Variants in PXDNL observed in about 807,000 individuals in gnomAD.
PXDNL encodes peroxidasin like.
Under a neutral mutation model 150.8 loss-of-function variants are expected in PXDNL, and 145 were observed. The ratio of observed to expected loss-of-function variants is 0.96; its 90% CI spans 0.84 to 1.10. PXDNL has a LOEUF of 1.10. PXDNL is among the 50% of genes least tolerant of loss of function. The pLI is 0.00. For synonymous variants in PXDNL, 757 were observed against 725.7 expected, an observed-to-expected ratio of 1.04 and a Z score of -0.69; for missense variants, 2,087 against 1,873.9, an observed-to-expected ratio of 1.11 and a Z score of -2.10.
intron 5 of PXDNL, among the ~76,000 whole-genome samples, chr8:51,497,626 G>A (rs190691038): frequency 0.014 from 2,115 of 152,258 alleles, 51 homozygotes; most frequent in African/African-American, 0.047. Flanking sequence ...TGAAGGACAC[G>A]AACAGACACT....
intron 4 of PXDNL, among the ~76,000 whole-genome samples, chr8:51,519,450 T>C (rs112439275): frequency 6.4e-4 from 97 of 152,084 alleles, no homozygotes; most frequent in African/African-American, 2.3e-3. Flanking sequence ...GGAGAATTGC[T>C]TGAACCTGGG....
chr8:51,445,138 T>C (rs1032973154), intron 12 of PXDNL, among the ~76,000 whole-genome samples: 3 of 152,174 alleles, frequency 2.0e-5, no homozygotes, highest in Non-Finnish European at 4.4e-5. Context: ...CAGGCTGGTC[T>C]CGAACACCTG....
At chr8:51,471,139 CAAAA>C (rs5891416) in intron 8 of PXDNL, among the ~76,000 whole-genome samples, 1 of 113,020 alleles carries the variant, frequency 8.8e-6, no homozygotes, top group Non-Finnish European at 1.8e-5. Context: ...AACAAATTTA[CAAAA>C]AAAAAAAAAA....
chr8:51,778,325 C>T (rs1313626790), intron 1 of PXDNL, among the ~76,000 whole-genome samples: 1 of 151,970 alleles, frequency 6.6e-6, no homozygotes, highest in East Asian at 1.9e-4. Context: ...CCAGTGAGAC[C>T]TTGTATTCCT....
chr8:51,474,904 T>A, intron 7 of PXDNL, 68 bp downstream of exon 7: 1 of 1,325,852 alleles, frequency 7.5e-7, no homozygotes, highest in Non-Finnish European at 1.0e-6. Context: ...TATTATATAA[T>A]AAACCTTTAC....
At chr8:51,721,862 G>T in intron 1 of PXDNL, 1 of 278,152 alleles carries the variant, frequency 3.6e-6, no homozygotes, top group East Asian at 8.7e-5. Flanking sequence ...CCAGCTGGTA[G>T]CATTTCTTTC....
At chr8:51,475,940 T>A (rs949918124) in intron 6 of PXDNL, among the ~76,000 whole-genome samples, 1 of 152,140 alleles carries the variant, frequency 6.6e-6, no homozygotes, top group Non-Finnish European at 1.5e-5. Context: ...GTGTCTACAA[T>A]TTTTTAGTTA....
At chr8:51,546,802 A>G (rs953296084) in intron 4 of PXDNL, among the ~76,000 whole-genome samples, 16 of 152,296 alleles carry the variant, frequency 1.1e-4, no homozygotes, top group African/African-American at 3.8e-4. Flanking sequence ...CTCAGTGCAG[A>G]TGGGCGGGGC....
At chr8:51,414,215 A>G (rs1808732517) in intron 14 of PXDNL, among the ~76,000 whole-genome samples, 1 of 151,832 alleles carries the variant, frequency 6.6e-6, no homozygotes, top group South Asian at 2.1e-4. Context: ...AGATATATAC[A>G]TATTATATGT....
At chr8:51,409,956 C>A (rs1195232338) in intron 16 of PXDNL, among the ~76,000 whole-genome samples, 1 of 152,208 alleles carries the variant, frequency 6.6e-6, no homozygotes, top group Non-Finnish European at 1.5e-5. Flanking sequence ...CAGGTGCCAG[C>A]CAGCTCCTAA....
At chr8:51,686,774 G>A (rs9284000) in intron 1 of PXDNL, among the ~76,000 whole-genome samples, 127,956 of 152,154 alleles carry the variant, frequency 0.84, 54,096 homozygotes, top group African/African-American at 0.93. Context: ...AATGAAACAA[G>A]TGACAAATGA....
chr8:51,522,783 G>T (rs1026798052), intron 4 of PXDNL, among the ~76,000 whole-genome samples: 4 of 152,090 alleles, frequency 2.6e-5, no homozygotes, highest in Admixed American at 6.5e-5. Flanking sequence ...GGCAGAGGTT[G>T]CAGTGAGCCA....
chr8:51,508,615 G>A (rs1563443654), intron 4 of PXDNL, among the ~76,000 whole-genome samples: 1 of 152,124 alleles, frequency 6.6e-6, no homozygotes, highest in Non-Finnish European at 1.5e-5. Context: ...GCTGAGTCCT[G>A]AGGCTTCTCC....
chr8:51,713,760 T>C (rs1222678577), intron 1 of PXDNL, among the ~76,000 whole-genome samples: 1 of 152,232 alleles, frequency 6.6e-6, no homozygotes, highest in Non-Finnish European at 1.5e-5. Flanking sequence ...GAAGAGCTGA[T>C]TAGCAAAATC....
chr8:51,430,612 C>T (rs1472333766), intron 12 of PXDNL, among the ~76,000 whole-genome samples: 2 of 152,164 alleles, frequency 1.3e-5, no homozygotes, highest in Non-Finnish European at 2.9e-5. Context: ...TTTTCTGGAA[C>T]GCACCTTTGT....
chr8:51,386,097 CTT>C (rs372663749), intron 17 of PXDNL, among the ~76,000 whole-genome samples: 4 of 146,328 alleles, frequency 2.7e-5, no homozygotes, highest in African/African-American at 5.0e-5. Flanking sequence ...GTGATTCATT[CTT>C]TTTTTTTTTT....
At chr8:51,563,258 G>A (rs941999000) in intron 3 of PXDNL, among the ~76,000 whole-genome samples, 1 of 152,004 alleles carries the variant, frequency 6.6e-6, no homozygotes, top group Non-Finnish European at 1.5e-5. Flanking sequence ...CAAAGTCCAA[G>A]ATCAAGGTCT....
chr8:51,447,326 A>G (rs1481913635), intron 11 of PXDNL, among the ~76,000 whole-genome samples, 164 bp from the exon 12 acceptor site: 1 of 151,484 alleles, frequency 6.6e-6, no homozygotes, highest in Non-Finnish European at 1.5e-5. Flanking sequence ...GAAACACAGC[A>G]CCCCCATGCC....
At chr8:51,580,392 T>TA (rs1389705405) in intron 3 of PXDNL, among the ~76,000 whole-genome samples, 1 of 152,162 alleles carries the variant, frequency 6.6e-6, no homozygotes, top group Non-Finnish European at 1.5e-5. Flanking sequence ...ACATTTTATT[T>TA]AAAAAATGTC....
Sources: allele counts gnomAD v4.1 joint callset (sites outside exome capture counted in the v4.1 genomes callset), GRCh38; gene constraint gnomAD v4.1.1; transcripts MANE v1.5; gene names NCBI Gene and HGNC (gene_info 2026-07-23, HGNC 2026-07-21).